SGPP1: variants seen among roughly 807,000 people sequenced by gnomAD.
SGPP1 encodes the protein sphingosine-1-phosphate phosphatase 1.
In SGPP1, 21 loss-of-function variants were observed where a neutral mutation model predicts 33.0. That is an observed-to-expected ratio of 0.64 (90% CI 0.45 to 0.92). The LOEUF (loss-of-function observed/expected upper bound fraction) is 0.92, where lower values mean the gene tolerates loss of function less well. Among genes scored for constraint, SGPP1 ranks in the 40% least tolerant of loss-of-function variants. The pLI is 0.00. For missense variants in SGPP1, 543 were observed against 589.4 expected, an observed-to-expected ratio of 0.92 and a Z score of 0.81; for synonymous variants, 239 against 241.2, an observed-to-expected ratio of 0.99 and a Z score of 0.08.
intron 2 of SGPP1, among the ~76,000 whole-genome samples, chr14:63,697,330 T>C (rs1266195524): frequency 6.6e-6 from 1 of 152,032 alleles, no homozygotes; most frequent in Non-Finnish European, 1.5e-5. Flanking sequence ...GAAACCAACA[T>C]TTCTATAACT....
At chr14:63,691,937 A>G (rs1885100532) in intron 2 of SGPP1, among the ~76,000 whole-genome samples, 1 of 152,194 alleles carries the variant, frequency 6.6e-6, no homozygotes, top group Non-Finnish European at 1.5e-5. Flanking sequence ...AAAAATAAAA[A>G]TAAAAAACAA....
In SGPP1 at chr14:63,727,712, G is replaced by T; in HGVS notation, c.233C>A (p.Ala78Asp). The change falls in exon 1 of 3, where the codon GCC becomes GAC. Residue 78 changes from alanine to aspartate, a missense_variant. Transcript: ENST00000247225. ...PPGSDRNQCP[A>D]KPDGGGAPNG... The stretch of plus-strand genomic sequence containing the variant: ...GGGGGCGCCGCCGCCGTCCGGCTTG[G>T]CCGGGCACTGATTGCGGTCGCTCCC... 7.1e-7 allele frequency: 1 copy of T among 1,417,062 alleles called. No individual in the cohort carries two copies. The highest frequency in any genetic ancestry group is 3.1e-5 in the Admixed American group (1 of 32,628). 87.8% of individuals were successfully genotyped at this position (1,417,062 alleles called of 1,614,324 possible).
intron 2 of SGPP1, among the ~76,000 whole-genome samples, chr14:63,688,868 C>A (rs1885036972): frequency 6.6e-6 from 1 of 151,974 alleles, no homozygotes; most frequent in African/African-American, 2.4e-5. Context: ...ACTACAGGCG[C>A]CCGCCACCAT....
At chr14:63,687,660 A>C (rs1885006811) in intron 2 of SGPP1, among the ~76,000 whole-genome samples, 1 of 152,182 alleles carries the variant, frequency 6.6e-6, no homozygotes, top group Admixed American at 6.5e-5. Context: ...AGGGAATATC[A>C]AGTGCAAAGG....
chr14:63,713,897 T>C (rs560828487), intron 1 of SGPP1, among the ~76,000 whole-genome samples: 1 of 152,310 alleles, frequency 6.6e-6, no homozygotes, highest in South Asian at 2.1e-4. Flanking sequence ...GAGATTAGTG[T>C]ATGAGTCAGA....
intron 1 of SGPP1, among the ~76,000 whole-genome samples, chr14:63,718,479 C>T (rs1189875511): frequency 2.0e-5 from 3 of 151,898 alleles, no homozygotes; most frequent in Non-Finnish European, 4.4e-5. Context: ...AGTTCCAAAA[C>T]CATATTGGGA....
intron 1 of SGPP1, among the ~76,000 whole-genome samples, chr14:63,707,317 C>G (rs890277742): frequency 6.6e-6 from 1 of 151,838 alleles, no homozygotes; most frequent in Non-Finnish European, 1.5e-5. Flanking sequence ...TATAATCTTA[C>G]GTTAAAAAAA....
chr14:63,709,471 G>A (rs552134194), intron 1 of SGPP1, among the ~76,000 whole-genome samples: 2 of 151,208 alleles, frequency 1.3e-5, no homozygotes, highest in Admixed American at 1.3e-4. Flanking sequence ...ATACTCTAGT[G>A]ACCTATTCTA....
At chr14:63,707,905 T>C (rs995373420) in intron 1 of SGPP1, among the ~76,000 whole-genome samples, 3 of 152,270 alleles carry the variant, frequency 2.0e-5, no homozygotes, top group South Asian at 4.1e-4. Context: ...GTGGTGACAA[T>C]AGTTGTATAG....
chr14:63,697,648 T>C (rs1371594154), intron 2 of SGPP1, among the ~76,000 whole-genome samples: 1 of 152,144 alleles, frequency 6.6e-6, no homozygotes, highest in Non-Finnish European at 1.5e-5. Context: ...AAGGGTCACC[T>C]CACAAGTCTT....
chr14:63,698,968 A>G (rs1885244565), intron 1 of SGPP1, among the ~76,000 whole-genome samples: 1 of 152,192 alleles, frequency 6.6e-6, no homozygotes. Context: ...AGGACAGGTA[A>G]GAGACATACT....
At chr14:63,719,374 C>T (rs1020551599) in intron 1 of SGPP1, among the ~76,000 whole-genome samples, 10 of 151,752 alleles carry the variant, frequency 6.6e-5, no homozygotes, top group Non-Finnish European at 1.5e-4. Context: ...TGATAACATA[C>T]TGCAACACTG....
intron 1 of SGPP1, among the ~76,000 whole-genome samples, chr14:63,719,034 T>A (rs1490899127): frequency 1.9e-5 from 2 of 105,786 alleles, no homozygotes; most frequent in Non-Finnish European, 3.9e-5. Context: ...TTTTTTTTTT[T>A]TTTTTTTTTT....
intron 1 of SGPP1, 98 bp from the exon 2 acceptor site, chr14:63,698,756 T>C: frequency 1.7e-6 from 1 of 601,972 alleles, no homozygotes; most frequent in Non-Finnish European, 2.6e-6. Context: ...TAAAGTCCAC[T>C]AAAACAAGAA....
At chr14:63,721,584 A>G (rs2139655573) in intron 1 of SGPP1, among the ~76,000 whole-genome samples, 1 of 152,352 alleles carries the variant, frequency 6.6e-6, no homozygotes, top group South Asian at 2.1e-4. Flanking sequence ...CAGAATTACC[A>G]TAGTGATCAA....
At chr14:63,710,109 A>G (rs1418045994) in intron 1 of SGPP1, among the ~76,000 whole-genome samples, 1 of 152,200 alleles carries the variant, frequency 6.6e-6, no homozygotes, top group Admixed American at 6.5e-5. Flanking sequence ...AATAGTGTAC[A>G]TGTAAACGGA....
intron 1 of SGPP1, among the ~76,000 whole-genome samples, chr14:63,700,260 C>T (rs775591802): frequency 1.7e-4 from 26 of 152,090 alleles, no homozygotes; most frequent in African/African-American, 4.8e-4. Context: ...CCCATTTCCC[C>T]GGGTTTAAGA....
At position 63,728,036 on chromosome 14, in the gene SGPP1, C is replaced by A; in HGVS notation, c.-92G>T. ...GCCAGCGGCAGCGGAACCGGCACAG[C>A]GCTCTACCCTCCGGAGTCTGCCGGG... On this transcript the variant is annotated 5_prime_UTR_variant, in exon 1 of 3. Coordinates refer to ENST00000247225, the MANE Select transcript of SGPP1 (RefSeq NM_030791.4). 3.0e-6 allele frequency: 4 copies of A among 1,315,152 alleles called. No individual in the cohort carries two copies. The highest frequency in any genetic ancestry group is 2.9e-6 in the Non-Finnish European group (3 of 1,023,074). 81.5% of individuals were successfully genotyped at this position (1,315,152 alleles called of 1,614,324 possible).
intron 2 of SGPP1, among the ~76,000 whole-genome samples, chr14:63,695,854 T>C (rs73265704): frequency 0.048 from 7,323 of 152,264 alleles, 609 homozygotes; most frequent in African/African-American, 0.17. Context: ...GAGATTGCAG[T>C]GAGCTATGTT....
Sources: allele counts gnomAD v4.1 joint callset (sites outside exome capture counted in the v4.1 genomes callset), GRCh38; gene constraint gnomAD v4.1.1; transcripts MANE v1.5; gene names NCBI Gene and HGNC (gene_info 2026-07-23, HGNC 2026-07-21).